Variants in VPS35 observed in about 807,000 individuals in gnomAD.
VPS35 encodes the protein vacuolar protein sorting-associated protein 35.
VPS35 carries 21 observed loss-of-function variants against 98.1 expected under a neutral mutation model. That is an observed-to-expected ratio of 0.21 (90% CI 0.15 to 0.31). VPS35 has a LOEUF of 0.31. Ranked by LOEUF, VPS35 falls within the 10% of genes least tolerant of loss-of-function variation. The pLI is 1.00. For missense variants in VPS35, 554 were observed against 950.8 expected, an observed-to-expected ratio of 0.58 and a Z score of 5.49; for synonymous variants, 268 against 318.2, an observed-to-expected ratio of 0.84 and a Z score of 1.68.
chr16:46,671,510 TG>T (rs1489457800), intron 12 of VPS35, among the ~76,000 whole-genome samples, 194 bp downstream of exon 12: 1 of 152,132 alleles, frequency 6.6e-6, no homozygotes, highest in Non-Finnish European at 1.5e-5. Context: ...CTCGCTGTGT[TG>T]CCCAGGCTGG....
chr16:46,664,905 C>G, intron 13 of VPS35, among the ~76,000 whole-genome samples: 1 of 152,188 alleles, frequency 6.6e-6, no homozygotes. Context: ...TGGAGACTGG[C>G]TATGGCATAA....
intron 13 of VPS35, among the ~76,000 whole-genome samples, chr16:46,664,573 G>A (rs1325978064): frequency 6.6e-6 from 1 of 150,434 alleles, no homozygotes; most frequent in Non-Finnish European, 1.5e-5. Context: ...CCAGGCTGGA[G>A]TGCAATGGCA....
intron 1 of VPS35, chr16:46,688,889 CAG>C: frequency 6.9e-7 from 1 of 1,447,616 alleles, no homozygotes. Flanking sequence ...GTCAACCCCA[CAG>C]AGAGGCCGCC....
At position 46,658,842 on chromosome 16, in the gene VPS35, T is replaced by A. The variant is rs974045223; in HGVS notation, c.*1630A>T. On this transcript the variant is annotated 3_prime_UTR_variant, in exon 17 of 17. Transcript: ENST00000299138. Reference sequence around the variant, plus strand: ...AGGGCTAGTCATCAAGTGCTAGCAATGGGAGGGCAGATGGTGAGGGGTTAA... The same window carrying A: ...AGGGCTAGTCATCAAGTGCTAGCAAAGGGAGGGCAGATGGTGAGGGGTTAA... 6.6e-6 allele frequency: 1 copy of A among 152,212 alleles called. No individual in the cohort carries two copies. Among genetic ancestry groups the A allele is most frequent in the South Asian group, 2.1e-4 (1 of 4,828 alleles). The allele number at this position is 152,212 out of a possible 1,614,324, so 9.4% of individuals were successfully genotyped here. A position where few individuals can be genotyped will look rare whatever the true frequency, so the allele number is the denominator to read the frequency against.
intron 13 of VPS35, among the ~76,000 whole-genome samples, chr16:46,668,116 C>A (rs1966014891): frequency 6.6e-6 from 1 of 152,176 alleles, no homozygotes; most frequent in Non-Finnish European, 1.5e-5. Flanking sequence ...CATACTGAGG[C>A]CAGATGCAGT....
At chr16:46,664,285 AG>A (rs1965956474) in intron 13 of VPS35, among the ~76,000 whole-genome samples, 2 of 151,828 alleles carry the variant, frequency 1.3e-5, no homozygotes, top group South Asian at 4.2e-4. Context: ...CAGCCTCCTG[AG>A]TAGCTGGGAT....
chr16:46,670,364 A>C (rs185214191), intron 12 of VPS35, among the ~76,000 whole-genome samples: 1 of 152,218 alleles, frequency 6.6e-6, no homozygotes, highest in African/African-American at 2.4e-5. Flanking sequence ...ACTCACTGCA[A>C]CCTCCACCTC....
At chr16:46,685,789 A>G (rs1966301074) in intron 1 of VPS35, among the ~76,000 whole-genome samples, 1 of 152,166 alleles carries the variant, frequency 6.6e-6, no homozygotes. Flanking sequence ...GAATCAATGG[A>G]TTTCATTAAG....
chr16:46,669,823 G>C (rs1373446261), intron 12 of VPS35, among the ~76,000 whole-genome samples: 2 of 152,098 alleles, frequency 1.3e-5, no homozygotes, highest in Admixed American at 1.3e-4. Flanking sequence ...AAACTCCTAG[G>C]GTTGTTGGGA....
chr16:46,686,883 TCAAGTCTA>T (rs1185139350), intron 1 of VPS35, among the ~76,000 whole-genome samples: 2 of 152,194 alleles, frequency 1.3e-5, no homozygotes, highest in Admixed American at 1.3e-4. Flanking sequence ...AACAGCCCTC[TCAAGTCTA>T]CAGTTCTAAT....
At chr16:46,660,680 T>A (rs1965898649) in intron 16 of VPS35, 29 bp from the exon 17 acceptor site, 1 of 1,601,892 alleles carries the variant, frequency 6.2e-7, no homozygotes, top group East Asian at 2.2e-5. Context: ...AAATTCATGA[T>A]CAAGCACGTA....
chr16:46,674,263 T>A (rs780094120), intron 10 of VPS35, 51 bp downstream of exon 10: 2 of 1,602,906 alleles, frequency 1.2e-6, no homozygotes, highest in Non-Finnish European at 8.5e-7. Context: ...GAAAAGCAAA[T>A]CTAGGACAAA....
In VPS35 at chr16:46,662,329, G is replaced by C. The variant is rs1283008942; in HGVS notation, c.1981C>G (p.Leu661Val). 6.2e-7 allele frequency: 1 copy of C among 1,614,054 alleles called. No homozygotes were observed. Among genetic ancestry groups the C allele is most frequent in the African/African-American group, 1.3e-5 (1 of 74,912 alleles). The change falls in exon 15 of 17, where the codon CTA becomes GTA. Residue 661 changes from leucine to valine, a missense_variant. Coordinates refer to ENST00000299138, the MANE Select transcript of VPS35 (RefSeq NM_018206.6). ...TQCALAASKLLKKPDQGRAVS... is the reference protein window; with the variant it reads ...TQCALAASKLVKKPDQGRAVS... ...GCTCGGCCCTGATCAGGTTTCTTTA[G>C]AAGTTTGGATGCAGCAAGGGCACAC...
intron 6 of VPS35, among the ~76,000 whole-genome samples, chr16:46,677,846 T>C (rs1966174567): frequency 6.6e-6 from 1 of 152,220 alleles, no homozygotes; most frequent in Non-Finnish European, 1.5e-5. Flanking sequence ...CTCAGAAATC[T>C]TTGTCTAATC....
At chr16:46,677,483 A>G in intron 6 of VPS35, 85 bp from the exon 7 acceptor site, 2 of 1,114,734 alleles carry the variant, frequency 1.8e-6, no homozygotes, top group East Asian at 4.7e-5. Context: ...TGAACTACTA[A>G]CTTGAAAATC....
intron 1 of VPS35, chr16:46,688,896 G>A: frequency 6.9e-7 from 1 of 1,450,624 alleles, no homozygotes; most frequent in East Asian, 2.5e-5. Context: ...CCACAGAGAG[G>A]CCGCCCCGTC....
intron 13 of VPS35, among the ~76,000 whole-genome samples, chr16:46,665,398 A>G (rs977666902): frequency 2.0e-5 from 3 of 152,184 alleles, no homozygotes; most frequent in Admixed American, 6.6e-5. Flanking sequence ...AGAGTTTCAG[A>G]CCAGCCTAGG....
intron 5 of VPS35, 117 bp downstream of exon 5, chr16:46,680,554 A>C (rs555671687): frequency 9.0e-7 from 1 of 1,113,178 alleles, no homozygotes; most frequent in African/African-American, 1.6e-5. Flanking sequence ...ATGCTACCTA[A>C]ATGGCTGACT....
In VPS35 at chr16:46,680,780, A is replaced by C; in HGVS notation, c.397T>G (p.Leu133Val). 6.2e-7 allele frequency: 1 copy of C among 1,614,056 alleles called. No individual in the cohort carries two copies. Among genetic ancestry groups the C allele is most frequent in the South Asian group, 1.1e-5 (1 of 91,080 alleles). The part of the protein sequence containing the change: ...PQSRKDILKD[L>V]VEMCRGVQHP... ...TGCACACCACGGCACATTTCTACCA[A>C]ATCTTTCAAAATATCCTTCCTGGAC... The change falls in exon 5 of 17, where the codon TTG becomes GTG. Residue 133 changes from leucine to valine, a missense_variant. Leu to Val is a conservative substitution (Grantham distance 32). Transcript: ENST00000299138.
Sources: allele counts gnomAD v4.1 joint callset (sites outside exome capture counted in the v4.1 genomes callset), GRCh38; gene constraint gnomAD v4.1.1; transcripts MANE v1.5; gene names NCBI Gene and HGNC (gene_info 2026-07-23, HGNC 2026-07-21).